Variants in KIF18A observed in about 807,000 individuals in gnomAD.
KIF18A encodes kinesin family member 18A.
KIF18A carries 67 observed loss-of-function variants against 103.3 expected under a neutral mutation model. That is an observed-to-expected ratio of 0.65 (90% CI 0.53 to 0.79). KIF18A has a LOEUF of 0.79. Among genes scored for constraint, KIF18A ranks in the 30% least tolerant of loss-of-function variants. The probability of loss-of-function intolerance (pLI) is 0.00; values close to 1 mark genes in which losing one functional copy is unlikely to be tolerated. For synonymous variants in KIF18A, 367 were observed against 355.5 expected, an observed-to-expected ratio of 1.03 and a Z score of -0.36; for missense variants, 1,032 against 1,062.5, an observed-to-expected ratio of 0.97 and a Z score of 0.40.
At chr11:28,036,867 T>C (rs921060402) in intron 13 of KIF18A, among the ~76,000 whole-genome samples, 4 of 151,466 alleles carry the variant, frequency 2.6e-5, no homozygotes, top group African/African-American at 9.7e-5. Context: ...ATAAAGAAAT[T>C]CTATAACAAA....
chr11:28,034,658 T>C (rs1850458584), intron 15 of KIF18A, among the ~76,000 whole-genome samples: 1 of 151,800 alleles, frequency 6.6e-6, no homozygotes, highest in African/African-American at 2.4e-5. Context: ...ACAAAACCTG[T>C]ACAGAATAAT....
At position 28,084,791 on chromosome 11, in the gene KIF18A, G is replaced by C; in HGVS notation, c.915C>G (p.Ile305Met). ...LADSKRKNQH[I>M]PYRNSKLTRL... Reference sequence around the variant, plus strand: ...GAGTAAGCTTACTATTTCTGTAAGGGATATGCTGATTCTTTCTCTGAAAGC... The same window carrying C: ...GAGTAAGCTTACTATTTCTGTAAGGCATATGCTGATTCTTTCTCTGAAAGC... Residue 305 changes from isoleucine (I) to methionine (M), a missense_variant, in exon 7 of 17, where the codon ATC (isoleucine) becomes ATG (methionine). By Grantham distance (10) the Ile-to-Met change is conservative. Coordinates refer to ENST00000263181, the MANE Select transcript of KIF18A (RefSeq NM_031217.4). The C allele has an allele frequency of 1.2e-6, 2 of 1,609,988 alleles. No individual in the cohort carries two copies. The highest frequency in any genetic ancestry group is 1.7e-6 in the Non-Finnish European group (2 of 1,178,296).
intron 16 of KIF18A, among the ~76,000 whole-genome samples, chr11:28,022,420 A>C (rs1850258536): frequency 6.6e-6 from 1 of 151,896 alleles, no homozygotes; most frequent in Admixed American, 6.6e-5. Context: ...GCCTGCCACC[A>C]TGCCCGGCTA....
rs780513210 is a variant in KIF18A, at chr11:28,091,473, C to T, written c.524G>A (p.Gly175Glu). ...GGTATCTTCCCGGACAGCAAGTGGC[C>T]CTGAATTTACTAAGAGATCACGAAT... ...EQIRDLLVNS[G>E]PLAVREDTQK... Residue 175 changes from glycine to glutamate, a missense_variant, in exon 4 of 17, where the codon GGG becomes GAG. Coordinates refer to ENST00000263181, the MANE Select transcript of KIF18A (RefSeq NM_031217.4). 1 of 1,610,844 alleles carries T rather than the reference C, an allele frequency of 6.2e-7. No individual in the cohort carries two copies. The highest frequency in any genetic ancestry group is 2.2e-5 in the East Asian group (1 of 44,774).
chr11:28,089,084 G>C (rs570579745), intron 5 of KIF18A, among the ~76,000 whole-genome samples: 1 of 152,124 alleles, frequency 6.6e-6, no homozygotes, highest in Non-Finnish European at 1.5e-5. Context: ...AAAGCTACTC[G>C]TTAGAATGCC....
intron 15 of KIF18A, among the ~76,000 whole-genome samples, chr11:28,032,024 A>T (rs911868418): frequency 6.6e-6 from 1 of 151,908 alleles, no homozygotes; most frequent in East Asian, 1.9e-4. Flanking sequence ...AGAACCTAGA[A>T]ACAAATTCAG....
At chr11:28,047,500 T>C (rs529524192) in intron 13 of KIF18A, among the ~76,000 whole-genome samples, 9 of 152,280 alleles carry the variant, frequency 5.9e-5, no homozygotes, top group Admixed American at 2.0e-4. Context: ...GATCATCTTA[T>C]ACAAACAACC....
intron 15 of KIF18A, among the ~76,000 whole-genome samples, chr11:28,025,326 A>G (rs1280592921): frequency 6.6e-6 from 1 of 152,082 alleles, no homozygotes; most frequent in East Asian, 1.9e-4. Flanking sequence ...ACTTTTGTAT[A>G]TATCAGCTGT....
intron 16 of KIF18A, among the ~76,000 whole-genome samples, chr11:28,023,536 A>G (rs1214789520): frequency 1.3e-5 from 2 of 152,208 alleles, no homozygotes; most frequent in Non-Finnish European, 2.9e-5. Flanking sequence ...CTCTACCAAT[A>G]TAATATCTGT....
At chr11:28,098,809 A>G (rs1851408322) in intron 1 of KIF18A, among the ~76,000 whole-genome samples, 1 of 152,124 alleles carries the variant, frequency 6.6e-6, no homozygotes, top group Admixed American at 6.6e-5. Flanking sequence ...TCAACTATCC[A>G]GAAAATACTC....
At chr11:28,107,740 G>C (rs1344477182) in intron 1 of KIF18A, among the ~76,000 whole-genome samples, 1 of 152,156 alleles carries the variant, frequency 6.6e-6, no homozygotes, top group Non-Finnish European at 1.5e-5. Flanking sequence ...GACACTACAA[G>C]GTGCTGGGCA....
chr11:28,083,275 A>G, intron 7 of KIF18A, 32 bp from the exon 8 acceptor site: 1 of 1,529,226 alleles, frequency 6.5e-7, no homozygotes, highest in Non-Finnish European at 8.7e-7. Context: ...GATTGTTTAT[A>G]GAGAGATAAT....
intron 13 of KIF18A, among the ~76,000 whole-genome samples, chr11:28,044,447 G>A (rs906867049): frequency 6.6e-6 from 1 of 152,026 alleles, no homozygotes; most frequent in African/African-American, 2.4e-5. Context: ...CCCTAGTTTT[G>A]TAATAGTTAC....
At chr11:28,028,672 T>C (rs962034024) in intron 15 of KIF18A, among the ~76,000 whole-genome samples, 1 of 151,774 alleles carries the variant, frequency 6.6e-6, no homozygotes, top group Non-Finnish European at 1.5e-5. Flanking sequence ...AAGAAATAAC[T>C]AAGATCAGAG....
At chr11:28,042,662 C>T (rs1188395703) in intron 13 of KIF18A, among the ~76,000 whole-genome samples, 2 of 151,790 alleles carry the variant, frequency 1.3e-5, no homozygotes, top group Non-Finnish European at 2.9e-5. Context: ...TCACTAGAAA[C>T]AGTACTTGGT....
chr11:28,050,863 A>T (rs1850703357), intron 13 of KIF18A, among the ~76,000 whole-genome samples: 1 of 151,906 alleles, frequency 6.6e-6, no homozygotes, highest in African/African-American at 2.4e-5. Context: ...CACGTCAAAT[A>T]AATATCTATT....
chr11:28,082,963 T>C lies in KIF18A; in HGVS notation c.1155A>G (p.Leu385=). ...AGGCTTTTAGTTTTTCTTTTAACAA[T>C]AAAATCTAGTAGAGAGAAATCACTA... ...KICNEQKAEI[L]LLKEKLKAYE... is the part of the protein sequence containing the mutation. Residue 385 remains leucine (L), a synonymous_variant, in exon 9 of 17, where the codon TTA becomes TTG. Coordinates refer to ENST00000263181, the MANE Select transcript of KIF18A (RefSeq NM_031217.4). 6.4e-7 allele frequency: 1 copy of C among 1,561,156 alleles called. No individual in the cohort carries two copies. Among genetic ancestry groups the C allele is most frequent in the Non-Finnish European group, 8.7e-7 (1 of 1,144,544 alleles).
intron 2 of KIF18A, among the ~76,000 whole-genome samples, chr11:28,096,008 C>CAAAAAAAAAAAA (rs752176368): frequency 2.7e-5 from 2 of 73,714 alleles, no homozygotes; most frequent in Non-Finnish European, 5.4e-5. Context: ...AAGACTTCAT[C>CAAAAAAAAAAAA]AAAAAAAAAA....
At chr11:28,062,295 C>T (rs1165289214) in intron 12 of KIF18A, 100 bp downstream of exon 12, 2 of 1,038,480 alleles carry the variant, frequency 1.9e-6, no homozygotes, top group South Asian at 2.1e-5. Context: ...ATAATGTATC[C>T]TGTAACACAT....
Sources: gnomAD v4.1 joint callset for allele counts (sites outside exome capture counted in the v4.1 genomes callset) on GRCh38, gnomAD v4.1.1 for gene constraint, MANE v1.5 for transcripts, NCBI Gene and HGNC (gene_info 2026-07-23, HGNC 2026-07-21) for gene names.